SLC35D4: variants seen among roughly 807,000 people sequenced by gnomAD.
SLC35D4 encodes the protein solute carrier family 35 member D4.
At chr18:23,387,000 C>T in the SLC35D4 span, among the ~76,000 whole-genome samples, 2 of 152,190 alleles carry the variant, frequency 1.3e-5, no homozygotes, top group Non-Finnish European at 2.9e-5. Flanking sequence ...ACCTCCACCT[C>T]CTGGGTTCAA....
the SLC35D4 span, among the ~76,000 whole-genome samples, chr18:23,273,420 C>T: frequency 3.3e-5 from 5 of 152,194 alleles, no homozygotes; most frequent in South Asian, 2.1e-4. Context: ...AGGGGAGGCC[C>T]GTCTACATGG....
chr18:23,382,740 C>A, the SLC35D4 span, among the ~76,000 whole-genome samples: 1 of 152,354 alleles, frequency 6.6e-6, no homozygotes, highest in East Asian at 1.9e-4. Context: ...AACCCTCCAA[C>A]TGCACAGAGA....
the SLC35D4 span, among the ~76,000 whole-genome samples, chr18:23,321,764 A>ATT: frequency 1.3e-5 from 2 of 152,130 alleles, no homozygotes; most frequent in Non-Finnish European, 2.9e-5. Flanking sequence ...TGGCCTTTTC[A>ATT]TTTGTTCTGA....
the SLC35D4 span, among the ~76,000 whole-genome samples, chr18:23,267,054 G>A: frequency 9.9e-5 from 15 of 152,192 alleles, no homozygotes; most frequent in African/African-American, 2.7e-4. Context: ...GCCCTAAACC[G>A]CATCTGCATG....
chr18:23,354,413 C>T, the SLC35D4 span, among the ~76,000 whole-genome samples: 1 of 149,074 alleles, frequency 6.7e-6, no homozygotes, highest in South Asian at 2.1e-4. Context: ...CCCAGCTACT[C>T]GGGAGGCTGA....
chr18:23,424,355 G>C, the SLC35D4 span, among the ~76,000 whole-genome samples: 27 of 152,170 alleles, frequency 1.8e-4, no homozygotes, highest in African/African-American at 6.0e-4. Flanking sequence ...TTCCTTCACT[G>C]ATGTACCCCA....
At chr18:23,352,156 G>T in the SLC35D4 span, 1 of 1,552,416 alleles carries the variant, frequency 6.4e-7, no homozygotes, top group African/African-American at 1.4e-5. Flanking sequence ...TGGATACACA[G>T]GCTCTTGAGA....
At chr18:23,250,742 G>T in the SLC35D4 span, among the ~76,000 whole-genome samples, 1 of 152,206 alleles carries the variant, frequency 6.6e-6, no homozygotes, top group South Asian at 2.1e-4. Flanking sequence ...AGACCTTCCT[G>T]ATTGGGCCAG....
chr18:23,253,346 G>A, the SLC35D4 span, among the ~76,000 whole-genome samples: 2 of 152,198 alleles, frequency 1.3e-5, no homozygotes, highest in African/African-American at 4.8e-5. Context: ...AGCCAGGCAT[G>A]GTGGTGCACG....
At chr18:23,331,883 C>CTTTTTTTTT in the SLC35D4 span, among the ~76,000 whole-genome samples, 1 of 103,012 alleles carries the variant, frequency 9.7e-6, no homozygotes, top group Non-Finnish European at 1.8e-5. Flanking sequence ...TTGAACATGT[C>CTTTTTTTTT]TTTTTTTTTT....
chr18:23,277,044 A>C, the SLC35D4 span, among the ~76,000 whole-genome samples: 1 of 152,024 alleles, frequency 6.6e-6, no homozygotes, highest in Middle Eastern at 3.2e-3. Flanking sequence ...CTTTTTTCTC[A>C]TGAGTCTAGA....
At chr18:23,274,270 C>T in the SLC35D4 span, among the ~76,000 whole-genome samples, 542 of 152,332 alleles carry the variant, frequency 3.6e-3, 3 homozygotes, top group Non-Finnish European at 6.1e-3. Context: ...AGAGCTGAGG[C>T]TCAATGGGCC....
chr18:23,271,348 T>G, the SLC35D4 span, among the ~76,000 whole-genome samples: 1 of 152,194 alleles, frequency 6.6e-6, no homozygotes, highest in East Asian at 1.9e-4. Context: ...CATAGTAGTA[T>G]GAAAATGGAC....
the SLC35D4 span, chr18:23,309,686 G>A: frequency 5.0e-5 from 81 of 1,613,868 alleles, no homozygotes; most frequent in Admixed American, 4.5e-4. Context: ...TTACCATCCC[G>A]TGGTTGCACT....
At chr18:23,251,967 T>G in the SLC35D4 span, among the ~76,000 whole-genome samples, 1 of 151,842 alleles carries the variant, frequency 6.6e-6, no homozygotes, top group African/African-American at 2.4e-5. Flanking sequence ...GCGCCTGTAT[T>G]TCCAGCTACT....
chr18:23,265,477 T>A, the SLC35D4 span, among the ~76,000 whole-genome samples: 1 of 151,286 alleles, frequency 6.6e-6, no homozygotes, highest in Admixed American at 6.6e-5. Flanking sequence ...CCCCAAAGCA[T>A]TCTGGAAACA....
the SLC35D4 span, among the ~76,000 whole-genome samples, chr18:23,275,618 T>C: frequency 1.1e-3 from 148 of 135,996 alleles, 2 homozygotes; most frequent in African/African-American, 4.3e-3. Context: ...TGTGCTGTGC[T>C]GTGCTGTGCT....
chr18:23,377,618 C>CT, the SLC35D4 span: 1 of 1,567,920 alleles, frequency 6.4e-7, no homozygotes, highest in Non-Finnish European at 8.6e-7. Flanking sequence ...TATATTATGG[C>CT]TTTTTGGGGG....
the SLC35D4 span, among the ~76,000 whole-genome samples, chr18:23,333,127 T>C: frequency 6.6e-6 from 1 of 152,238 alleles, no homozygotes; most frequent in Non-Finnish European, 1.5e-5. Flanking sequence ...AACCAGGTTA[T>C]ATATTATGTA....
Sources: allele counts gnomAD v4.1 joint callset (sites outside exome capture counted in the v4.1 genomes callset), GRCh38; gene constraint gnomAD v4.1.1; transcripts MANE v1.5; gene names NCBI Gene and HGNC (gene_info 2026-07-23, HGNC 2026-07-21).